CMIP: variants seen among roughly 807,000 people sequenced by gnomAD.
The protein encoded by CMIP is C-Maf-inducing protein.
Under a neutral mutation model 97.3 loss-of-function variants are expected in CMIP, and 13 were observed. The ratio of observed to expected loss-of-function variants is 0.13; its 90% CI spans 0.09 to 0.21. CMIP has a LOEUF of 0.21. Among genes scored for constraint, CMIP ranks in the 10% least tolerant of loss-of-function variants. The pLI is 1.00. For synonymous variants in CMIP, 538 were observed against 436.3 expected, an observed-to-expected ratio of 1.23 and a Z score of -2.91; for missense variants, 847 against 1,024.9, an observed-to-expected ratio of 0.83 and a Z score of 2.37.
intron 1 of CMIP, among the ~76,000 whole-genome samples, chr16:81,554,460 C>T (rs1245723494): frequency 6.6e-6 from 1 of 152,202 alleles, no homozygotes; most frequent in East Asian, 1.9e-4. Flanking sequence ...AATCAATCAC[C>T]ACTCTTTCCT....
chr16:81,641,683 G>A (rs547200103), intron 3 of CMIP, among the ~76,000 whole-genome samples: 10 of 152,192 alleles, frequency 6.6e-5, no homozygotes, highest in Admixed American at 3.3e-4. Flanking sequence ...TGGGCATTTA[G>A]GCGTTTTCCC....
At chr16:81,691,917 G>T in intron 11 of CMIP, 77 bp downstream of exon 11, 1 of 1,258,604 alleles carries the variant, frequency 7.9e-7, no homozygotes, top group Non-Finnish European at 1.2e-6. Flanking sequence ...CTTAGTGGGG[G>T]GCCAGTCATG....
At chr16:81,641,722 A>G (rs2092308732) in intron 3 of CMIP, among the ~76,000 whole-genome samples, 2 of 152,188 alleles carry the variant, frequency 1.3e-5, no homozygotes, top group African/African-American at 2.4e-5. Flanking sequence ...CCATCTCCCC[A>G]GGAGCTGGCT....
At chr16:81,495,410 C>A (rs2089470797) in intron 1 of CMIP, 1 of 1,580,206 alleles carries the variant, frequency 6.3e-7, no homozygotes, top group Non-Finnish European at 8.6e-7. Flanking sequence ...ACCAAGCCGG[C>A]CGGGCTGCCG....
intron 1 of CMIP, among the ~76,000 whole-genome samples, chr16:81,580,883 C>G (rs1469746593): frequency 6.6e-6 from 1 of 152,176 alleles, no homozygotes; most frequent in East Asian, 1.9e-4. Context: ...ATTCCGAAAC[C>G]TCTTCTCCAC....
chr16:81,683,087 C>G (rs1010283437), intron 10 of CMIP, among the ~76,000 whole-genome samples: 1 of 152,170 alleles, frequency 6.6e-6, no homozygotes, highest in Non-Finnish European at 1.5e-5. Flanking sequence ...TTGTTGTATA[C>G]CTACGCCAGG....
chr16:81,643,395 C>A (rs1171007354), intron 3 of CMIP, among the ~76,000 whole-genome samples: 3 of 152,180 alleles, frequency 2.0e-5, no homozygotes, highest in African/African-American at 7.2e-5. Context: ...TAGGAAGTAA[C>A]AGCTTAAAAG....
chr16:81,511,589 C>T (rs1406754202), intron 1 of CMIP, among the ~76,000 whole-genome samples: 1 of 152,174 alleles, frequency 6.6e-6, no homozygotes, highest in Non-Finnish European at 1.5e-5. Context: ...TACACAAGGT[C>T]TCACTCTGTT....
intron 1 of CMIP, among the ~76,000 whole-genome samples, chr16:81,604,996 C>G (rs571702164): frequency 6.6e-6 from 1 of 152,156 alleles, no homozygotes; most frequent in Non-Finnish European, 1.5e-5. Context: ...CCTCCTGTTC[C>G]CACAGTATAT....
intron 7 of CMIP, 23 bp from the exon 8 acceptor site, chr16:81,670,119 C>G (rs761979560): frequency 3.8e-6 from 6 of 1,594,690 alleles, no homozygotes; most frequent in South Asian, 1.1e-5. Context: ...CGTCCCGACT[C>G]CTGTCCTCTG....
At chr16:81,685,996 C>T (rs539530437) in intron 10 of CMIP, among the ~76,000 whole-genome samples, 4 of 152,302 alleles carry the variant, frequency 2.6e-5, no homozygotes, top group African/African-American at 7.2e-5. Context: ...GATCCCAGCT[C>T]TCACCAGCTG....
At chr16:81,456,402 G>A (rs1251707039) in intron 1 of CMIP, among the ~76,000 whole-genome samples, 1 of 152,356 alleles carries the variant, frequency 6.6e-6, no homozygotes, top group South Asian at 2.1e-4. Context: ...TCCAGAGCCA[G>A]TGGCCTCCAG....
At chr16:81,502,691 A>G (rs1228533490) in intron 1 of CMIP, among the ~76,000 whole-genome samples, 1 of 152,230 alleles carries the variant, frequency 6.6e-6, no homozygotes, top group African/African-American at 2.4e-5. Context: ...TACCGTTATC[A>G]TCATATTCCC....
intron 1 of CMIP, among the ~76,000 whole-genome samples, chr16:81,500,287 C>CTTCT (rs2150776890): frequency 7.4e-6 from 1 of 135,616 alleles, no homozygotes; most frequent in East Asian, 2.2e-4. Flanking sequence ...TCCTTCCTTC[C>CTTCT]TTCCTTCCTT....
intron 1 of CMIP, chr16:81,520,525 A>G (rs934783934): frequency 5.3e-5 from 8 of 150,568 alleles, no homozygotes; most frequent in African/African-American, 2.0e-4. Context: ...AGATAGTGAG[A>G]CCCCATCTCT....
chr16:81,593,859 C>T (rs755294869), intron 1 of CMIP, among the ~76,000 whole-genome samples: 5 of 152,170 alleles, frequency 3.3e-5, no homozygotes, highest in Non-Finnish European at 2.9e-5. Context: ...CTGAGCACGC[C>T]ACATGCCCTG....
At chr16:81,459,611 C>T (rs925174874) in intron 1 of CMIP, among the ~76,000 whole-genome samples, 6 of 152,210 alleles carry the variant, frequency 3.9e-5, no homozygotes, top group Non-Finnish European at 8.8e-5. Context: ...AATTGAAAGT[C>T]GCTTTTATTT....
intron 1 of CMIP, among the ~76,000 whole-genome samples, chr16:81,474,825 C>T (rs1907792256): frequency 6.6e-6 from 1 of 152,222 alleles, no homozygotes; most frequent in Admixed American, 6.5e-5. Context: ...GTGCCTAGGC[C>T]CTGCCAGCCT....
At chr16:81,478,081 T>A (rs1264405104) in intron 1 of CMIP, among the ~76,000 whole-genome samples, 1 of 152,226 alleles carries the variant, frequency 6.6e-6, no homozygotes, top group East Asian at 1.9e-4. Flanking sequence ...GGTGTTGGCA[T>A]GGGCCACGCT....
Sources: gnomAD v4.1 joint callset for allele counts (sites outside exome capture counted in the v4.1 genomes callset) on GRCh38, gnomAD v4.1.1 for gene constraint, MANE v1.5 for transcripts, NCBI Gene and HGNC (gene_info 2026-07-23, HGNC 2026-07-21) for gene names.